The following PARVA variants were observed in gnomAD, a reference collection of about 807,000 sequenced individuals.
The protein encoded by PARVA is parvin alpha.
Under a neutral mutation model 52.6 loss-of-function variants are expected in PARVA, and 25 were observed. That is an observed-to-expected ratio of 0.48 (90% CI 0.35 to 0.66). PARVA has a LOEUF of 0.66. Among genes scored for constraint, PARVA ranks in the 30% least tolerant of loss-of-function variants. The probability of loss-of-function intolerance (pLI) is 0.01; values close to 1 mark genes in which losing one functional copy is unlikely to be tolerated. For missense variants in PARVA, 373 were observed against 450.9 expected, an observed-to-expected ratio of 0.83 and a Z score of 1.56; for synonymous variants, 185 against 179.1, an observed-to-expected ratio of 1.03 and a Z score of -0.26.
intron 1 of PARVA, among the ~76,000 whole-genome samples, chr11:12,428,772 G>A (rs148174271): frequency 5.3e-5 from 8 of 152,228 alleles, no homozygotes; most frequent in South Asian, 2.1e-4. Flanking sequence ...TCAAAGGCTC[G>A]GAGAAAGCTT....
chr11:12,377,641 C>T lies in PARVA; in HGVS notation c.-7C>T, dbSNP rs756897648. Reference sequence around the variant, plus strand: ...CCCGACCGGCCCGCGGCAGCCTGCGCCGCGCCATGGCCACCTCCCCGCAGA... The same window carrying T: ...CCCGACCGGCCCGCGGCAGCCTGCGTCGCGCCATGGCCACCTCCCCGCAGA... On this transcript the variant is annotated 5_prime_UTR_variant, in exon 1 of 13. Coordinates refer to ENST00000334956, the MANE Select transcript of PARVA (RefSeq NM_018222.5). The T allele has an allele frequency of 1.0e-5, 16 of 1,568,060 alleles. No individual in the cohort carries two copies. The East Asian group carries it at 2.8e-4, about 28-fold the overall frequency.
intron 1 of PARVA, among the ~76,000 whole-genome samples, chr11:12,469,233 A>G (rs370874732): frequency 5.3e-5 from 8 of 152,258 alleles, no homozygotes; most frequent in African/African-American, 9.6e-5. Context: ...CCATCCAGGT[A>G]CTTTCTTCTG....
chr11:12,437,078 T>C (rs1940396589), intron 1 of PARVA, among the ~76,000 whole-genome samples: 1 of 152,224 alleles, frequency 6.6e-6, no homozygotes, highest in Admixed American at 6.5e-5. Flanking sequence ...GAGCATGGGA[T>C]TGGCATGCTA....
chr11:12,472,332 T>C (rs188037797), intron 1 of PARVA, among the ~76,000 whole-genome samples: 1 of 152,340 alleles, frequency 6.6e-6, no homozygotes, highest in East Asian at 1.9e-4. Flanking sequence ...GAGCTGTGGG[T>C]TGGACAAGCT....
intron 1 of PARVA, among the ~76,000 whole-genome samples, chr11:12,421,996 C>T (rs192580237): frequency 3.9e-5 from 6 of 152,308 alleles, no homozygotes; most frequent in African/African-American, 1.4e-4. Flanking sequence ...CTTGACTTCT[C>T]CCCACATTTG....
In PARVA at chr11:12,513,221, G is replaced by A. The variant is rs530727461; in HGVS notation, c.737-78G>A. 81 of 1,222,916 alleles carry A rather than the reference G, an allele frequency of 6.6e-5. No individual in the cohort carries two copies. In the African/African-American group the frequency reaches 7.7e-4, roughly 12 times the overall value. The allele number at this position is 1,222,916 out of a possible 1,614,324, so 75.8% of individuals were successfully genotyped here. ...TTGACCTTGTGACCTTGAGAGGCGC[G>A]TGGCTCTGGGACCCAAGGTGGGCTT... On this transcript the variant is annotated intron_variant, in intron 8 of 12. Coordinates refer to ENST00000334956, the MANE Select transcript of PARVA (RefSeq NM_018222.5).
rs899987027 is a variant in PARVA at position 12,528,174 on chromosome 11, G to A, written c.*249G>A. The A allele has an allele frequency of 3.5e-5, 18 of 507,646 alleles. No individual in the cohort carries two copies. The highest frequency in any genetic ancestry group is 1.3e-4 in the Admixed American group (4 of 31,126). The allele number at this position is 507,646 out of a possible 1,614,324, so 31.4% of individuals were successfully genotyped here. On this transcript the variant is annotated 3_prime_UTR_variant, in exon 13 of 13. Coordinates refer to ENST00000334956, the MANE Select transcript of PARVA (RefSeq NM_018222.5). ...AGGTTGGGAAGGTTGTTCCCTTCCC[G>A]GTGCCAGGTCCAGATTTCCCTCCAT...
At chr11:12,475,250 A>G (rs926063527) in intron 3 of PARVA, among the ~76,000 whole-genome samples, 1 of 152,212 alleles carries the variant, frequency 6.6e-6, no homozygotes, top group African/African-American at 2.4e-5. Flanking sequence ...AATGCCTCTC[A>G]TGCCCCTCAT....
chr11:12,473,479 G>A (rs1486267918), intron 1 of PARVA, among the ~76,000 whole-genome samples: 2 of 152,156 alleles, frequency 1.3e-5, no homozygotes, highest in Admixed American at 6.5e-5. Context: ...TCTTTTCTGA[G>A]AGGAGGGAGA....
intron 1 of PARVA, among the ~76,000 whole-genome samples, chr11:12,429,808 T>A (rs527788267): frequency 2.4e-4 from 37 of 152,326 alleles, no homozygotes; most frequent in African/African-American, 8.7e-4. Context: ...TCCCACAAGC[T>A]TAGCGTTCCA....
At chr11:12,476,834 C>T (rs973621744) in intron 3 of PARVA, among the ~76,000 whole-genome samples, 1 of 152,190 alleles carries the variant, frequency 6.6e-6, no homozygotes, top group Non-Finnish European at 1.5e-5. Flanking sequence ...GGGATGGCAA[C>T]GCTGTCTGGC....
chr11:12,511,250 C>G (rs998662862), intron 7 of PARVA, among the ~76,000 whole-genome samples: 2 of 152,168 alleles, frequency 1.3e-5, no homozygotes, highest in Admixed American at 6.5e-5. Context: ...TTAGGCATCA[C>G]TATGCCAGGC....
At chr11:12,438,223 A>G (rs4396272) in intron 1 of PARVA, among the ~76,000 whole-genome samples, 116,593 of 150,156 alleles carry the variant, frequency 0.78, 49,033 homozygotes, top group Non-Finnish European at 0.93. Context: ...TCGCGCCACT[A>G]CACCCCAGCC....
chr11:12,522,699 G>A (rs1390542711), intron 12 of PARVA, among the ~76,000 whole-genome samples: 8 of 151,882 alleles, frequency 5.3e-5, no homozygotes, highest in African/African-American at 1.5e-4. Flanking sequence ...GATTACAGGC[G>A]TGAGCCACCC....
At chr11:12,456,630 C>T (rs910447511) in intron 1 of PARVA, among the ~76,000 whole-genome samples, 2 of 152,076 alleles carry the variant, frequency 1.3e-5, no homozygotes, top group African/African-American at 4.8e-5. Flanking sequence ...TCCAGCAAAC[C>T]TTCCCAAAAA....
chr11:12,384,349 C>G (rs532566145), intron 1 of PARVA, among the ~76,000 whole-genome samples: 1 of 152,294 alleles, frequency 6.6e-6, no homozygotes, highest in East Asian at 1.9e-4. Flanking sequence ...ATTCTTTCAG[C>G]AACTATTTAT....
At chr11:12,377,477 G>T, upstream of PARVA, 2 of 1,402,030 alleles carry the variant, frequency 1.4e-6, no homozygotes, top group African/African-American at 1.5e-5. Flanking sequence ...CGCGAGGGAG[G>T]GAGCGAGGGA....
At position 12,443,169 on chromosome 11, in the gene PARVA, C is replaced by CTTTT. The variant is rs1180380526; in HGVS notation, c.137-30558_137-30555dup. The stretch of plus-strand genomic sequence containing the variant: ...AGCCACCATGCCCGGCGCCCCCCTT[C>CTTTT]TTTTTTTTTTTTTTTTTTTTTGAGA... On this transcript the variant is annotated intron_variant, in intron 1 of 12. Transcript: ENST00000334956. Among the ~76,000 whole-genome samples the CTTTT allele has an allele frequency of 2.1e-3, 164 of 78,294 alleles. 3 individuals carry two copies. Among genetic ancestry groups the CTTTT allele is most frequent in the Middle Eastern group, 0.045 (2 of 44 alleles). The allele number at this position is 78,294 out of a possible 152,430, so 51.4% of individuals were successfully genotyped here. A position where few individuals can be genotyped will look rare whatever the true frequency, so the allele number is the denominator to read the frequency against.
chr11:12,515,666 T>A (rs1425446248), intron 10 of PARVA, among the ~76,000 whole-genome samples: 4 of 152,108 alleles, frequency 2.6e-5, no homozygotes, highest in African/African-American at 9.7e-5. Flanking sequence ...ATTCTTTTAC[T>A]CCTAACTCCT....
Sources: gnomAD v4.1 joint callset for allele counts (sites outside exome capture counted in the v4.1 genomes callset) on GRCh38, gnomAD v4.1.1 for gene constraint, MANE v1.5 for transcripts, NCBI Gene and HGNC (gene_info 2026-07-23, HGNC 2026-07-21) for gene names.